Variants in KMT2C observed in about 807,000 individuals in gnomAD.
KMT2C encodes the protein lysine methyltransferase 2C, also known as histone-lysine N-methyltransferase 2C.
A neutral mutation model predicts 507.9 loss-of-function variants in KMT2C; 88 were observed. The ratio of observed to expected loss-of-function variants is 0.17; its 90% CI spans 0.15 to 0.21. The LOEUF is 0.21. KMT2C is among the 10% of genes least tolerant of loss of function. KMT2C has a pLI of 1.00. For missense variants in KMT2C, 4,954 were observed against 5,957.8 expected (o/e 0.83, Z 5.55); for synonymous variants, 2,049 against 2,080.8 (o/e 0.98, Z 0.42).
intron 3 of KMT2C, among the ~76,000 whole-genome samples, chr7:152,318,176 A>C (rs1231661208): frequency 6.6e-6 from 1 of 152,052 alleles, no homozygotes; most frequent in Non-Finnish European, 1.5e-5. Flanking sequence ...ATATACAGTG[A>C]CTAAAAAACA....
At chr7:152,236,359 T>TA (rs1361910629) in intron 15 of KMT2C, among the ~76,000 whole-genome samples, 1 of 145,896 alleles carries the variant, frequency 6.9e-6, no homozygotes, top group Non-Finnish European at 1.5e-5. Flanking sequence ...ATTGAGTACT[T>TA]ACTATGTACT....
In KMT2C at chr7:152,154,267, T is replaced by C. The variant is rs1224715379; in HGVS notation, c.12139A>G (p.Ser4047Gly). ...TAATAAGGTTAAGTGTTGTTCTTACTTTTCCCAGCAGTGCTAGGAAGAATT... is the reference window on the plus strand; with the variant it reads ...TAATAAGGTTAAGTGTTGTTCTTACCTTTCCCAGCAGTGCTAGGAAGAATT... ...IPILPSTAGK[S>G]SESRRNDIKT... is the part of the protein sequence containing the mutation. The change falls in exon 47 of 59, where the codon AGT becomes GGT. Residue 4047 changes from serine to glycine, a missense_variant and splice_region_variant. By Grantham distance (56) the Ser-to-Gly change is moderately conservative. Transcript: ENST00000262189. 4 of 1,614,092 alleles carry C rather than the reference T, an allele frequency of 2.5e-6. No homozygotes were observed. Among genetic ancestry groups the C allele is most frequent in the Non-Finnish European group, 3.4e-6 (4 of 1,179,922 alleles).
chr7:152,209,374 G>A (rs1443516264), intron 23 of KMT2C, among the ~76,000 whole-genome samples: 3 of 145,382 alleles, frequency 2.1e-5, no homozygotes, highest in African/African-American at 5.2e-5. Flanking sequence ...GGAGCATGGC[G>A]TGAACCTGGG....
chr7:152,233,040 G>A (rs1250699331), intron 16 of KMT2C, among the ~76,000 whole-genome samples: 1 of 152,084 alleles, frequency 6.6e-6, no homozygotes, highest in Non-Finnish European at 1.5e-5. Context: ...TATATTCCCA[G>A]TATAAACCAG....
chr7:152,392,419 C>T (rs1423732811), intron 1 of KMT2C, among the ~76,000 whole-genome samples: 1 of 152,212 alleles, frequency 6.6e-6, no homozygotes, highest in Admixed American at 6.5e-5. Context: ...ATAGCCACTT[C>T]ACAATGACCC....
intron 13 of KMT2C, among the ~76,000 whole-genome samples, chr7:152,249,320 G>GTT (rs200151238): frequency 1.4e-4 from 13 of 94,634 alleles, no homozygotes; most frequent in South Asian, 7.3e-4. Flanking sequence ...AATTTATCTG[G>GTT]TTTTTTTTTT....
At position 152,315,230 on chromosome 7, in the gene KMT2C, T is replaced by C. The variant is rs372863816; in HGVS notation, c.498A>G (p.Gln166=). The C allele has an allele frequency of 3.8e-5, 61 of 1,613,832 alleles. No individual in the cohort carries two copies. Among genetic ancestry groups the C allele is most frequent in the South Asian group, 7.7e-5 (7 of 91,084 alleles). Residue 166 remains glutamine (Q), a synonymous_variant, in exon 4 of 59, where the codon CAA becomes CAG. Transcript: ENST00000262189. Reference sequence around the variant, plus strand: ...CATCAATGTCCTTCTTGTTAGAAGGTTGGTTTCTCCATGGCAAGATAAATC... The same window carrying C: ...CATCAATGTCCTTCTTGTTAGAAGGCTGGTTTCTCCATGGCAAGATAAATC... ...TPGFILPWRN[Q]PSNKKDIDDN...
intron 6 of KMT2C, among the ~76,000 whole-genome samples, chr7:152,303,881 G>C (rs1365886986): frequency 6.6e-6 from 1 of 152,128 alleles, no homozygotes; most frequent in Non-Finnish European, 1.5e-5. Flanking sequence ...TCAGCTACCT[G>C]GGAGACTGAG....
intron 14 of KMT2C, among the ~76,000 whole-genome samples, chr7:152,244,288 T>C (rs1312177968): frequency 3.9e-5 from 6 of 152,200 alleles, no homozygotes. Flanking sequence ...GGCCATTAGC[T>C]TGATGTTCTA....
intron 9 of KMT2C, among the ~76,000 whole-genome samples, 192 bp from the exon 10 acceptor site, chr7:152,252,907 C>T (rs1352919908): frequency 2.0e-5 from 3 of 151,722 alleles, no homozygotes; most frequent in African/African-American, 7.3e-5. Flanking sequence ...GGCTGGAGTG[C>T]AGTGGCGCAA....
intron 1 of KMT2C, among the ~76,000 whole-genome samples, chr7:152,376,977 G>T (rs1364628248): frequency 6.6e-6 from 1 of 152,056 alleles, no homozygotes; most frequent in Non-Finnish European, 1.5e-5. Context: ...TTGAGCCCAG[G>T]AGTTCAAGGC....
At position 152,424,349 on chromosome 7, in the gene KMT2C, A is replaced by C. The variant is rs556919551; in HGVS notation, c.161+11277T>G. Among the ~76,000 whole-genome samples the C allele has an allele frequency of 1.7e-3, 254 of 152,312 alleles. 3 individuals carry two copies. Among genetic ancestry groups the C allele is most frequent in the Middle Eastern group, 0.014 (4 of 294 alleles). On this transcript the variant is annotated intron_variant, in intron 1 of 58. Coordinates refer to ENST00000262189, the MANE Select transcript of KMT2C (RefSeq NM_170606.3). Reference sequence around the variant, plus strand: ...TGCTTCCAGCAAAACAGATTAAAACAACCAGCATTTTACTTATTTATGATT... The same window carrying C: ...TGCTTCCAGCAAAACAGATTAAAACCACCAGCATTTTACTTATTTATGATT...
At chr7:152,260,298 C>A (rs888706761) in intron 9 of KMT2C, among the ~76,000 whole-genome samples, 1 of 151,982 alleles carries the variant, frequency 6.6e-6, no homozygotes, top group Non-Finnish European at 1.5e-5. Context: ...TTACAAAGAG[C>A]AAATTAGAAA....
chr7:152,260,401 T>A (rs188497460), intron 9 of KMT2C, among the ~76,000 whole-genome samples: 2 of 151,864 alleles, frequency 1.3e-5, no homozygotes, highest in South Asian at 2.1e-4. Flanking sequence ...ATAAAGAAGA[T>A]CAAGAGCAAG....
chr7:152,288,004 C>CAG (rs1355675065), intron 6 of KMT2C, among the ~76,000 whole-genome samples: 1 of 101,782 alleles, frequency 9.8e-6, no homozygotes, highest in Non-Finnish European at 1.8e-5. Context: ...ACCTGGGCAA[C>CAG]AGAGCAAGAG....
intron 2 of KMT2C, among the ~76,000 whole-genome samples, chr7:152,331,802 CCAT>C (rs1479353300): frequency 1.3e-5 from 2 of 151,832 alleles, no homozygotes; most frequent in Non-Finnish European, 2.9e-5. Flanking sequence ...GCGCCCACCA[CCAT>C]GCCTGGCTAA....
chr7:152,155,839 C>T, intron 46 of KMT2C, 71 bp downstream of exon 46: 1 of 1,411,330 alleles, frequency 7.1e-7, no homozygotes, highest in Non-Finnish European at 9.6e-7. Flanking sequence ...GACATTATGC[C>T]ACATACATAC....
chr7:152,411,850 T>C (rs1047082558), intron 1 of KMT2C, among the ~76,000 whole-genome samples: 1 of 152,306 alleles, frequency 6.6e-6, no homozygotes, highest in Non-Finnish European at 1.5e-5. Flanking sequence ...TGTTAAAATC[T>C]TGGGTTAACT....
At chr7:152,288,022 C>CAAAA (rs66951420) in intron 6 of KMT2C, among the ~76,000 whole-genome samples, 9 of 31,642 alleles carry the variant, frequency 2.8e-4, no homozygotes, top group African/African-American at 9.7e-4. Flanking sequence ...GAGTCTGCCT[C>CAAAA]AAAAAAAAAA....
Sources: allele counts gnomAD v4.1 joint callset (sites outside exome capture counted in the v4.1 genomes callset), GRCh38; gene constraint gnomAD v4.1.1; transcripts MANE v1.5; gene names NCBI Gene and HGNC (gene_info 2026-07-23, HGNC 2026-07-21).